The following RBM11 variants were observed in gnomAD, a reference collection of about 807,000 sequenced individuals.
RBM11 encodes the protein RNA binding motif protein 11.
RBM11 carries 18 observed loss-of-function variants against 21.4 expected under a neutral mutation model. That is an observed-to-expected ratio of 0.84 (90% CI 0.58 to 1.25). The LOEUF (loss-of-function observed/expected upper bound fraction) is 1.25, where lower values mean the gene tolerates loss of function less well. Among genes scored for constraint, RBM11 ranks in the 50% most tolerant of loss-of-function variants. The probability of loss-of-function intolerance (pLI) is 0.00; values close to 1 mark genes in which losing one functional copy is unlikely to be tolerated. For missense variants in RBM11, 294 were observed against 331.9 expected, an observed-to-expected ratio of 0.89 and a Z score of 0.89; for synonymous variants, 120 against 116.3, an observed-to-expected ratio of 1.03 and a Z score of -0.20.
chr21:14,217,647 A>T (rs1978331586), intron 1 of RBM11, among the ~76,000 whole-genome samples: 1 of 152,122 alleles, frequency 6.6e-6, no homozygotes, highest in Non-Finnish European at 1.5e-5. Context: ...TCATCTTTTT[A>T]AACTTGCCTC....
intron 2 of RBM11, among the ~76,000 whole-genome samples, chr21:14,220,848 G>A (rs899397046): frequency 2.0e-5 from 3 of 152,032 alleles, no homozygotes; most frequent in Admixed American, 1.3e-4. Flanking sequence ...AAAGTCCAAC[G>A]TCAATGTCAT....
intron 1 of RBM11, among the ~76,000 whole-genome samples, chr21:14,218,536 G>A (rs1320453201): frequency 1.3e-5 from 2 of 152,140 alleles, no homozygotes; most frequent in African/African-American, 4.8e-5. Flanking sequence ...TTGTTGATGA[G>A]GTGGTCCTTG....
Position 14,219,599 on chromosome 21 carries a change from A to G in RBM11, c.133A>G (p.Arg45Gly). ...AACCAAAGTGACTATATGCAAAGACAGAGAAGGAAAGCCAAAGTCTTTTGG... is the reference window on the plus strand; with the variant it reads ...AACCAAAGTGACTATATGCAAAGACGGAGAAGGAAAGCCAAAGTCTTTTGG... The part of the protein sequence containing the change: ...PLTKVTICKD[R>G]EGKPKSFGFV... The change falls in exon 2 of 5, where the codon AGA (arginine) becomes GGA (glycine). Residue 45 changes from arginine (R) to glycine (G), a missense_variant. Physicochemically the swap from Arg to Gly is moderately radical, Grantham distance 125. Around this residue, in one of 2 missense-constraint regions of RBM11, gnomAD observed 181 missense variants for 164.6 expected, o/e 1.10. Coordinates refer to ENST00000400577, the MANE Select transcript of RBM11 (RefSeq NM_144770.5). 6.3e-7 allele frequency: 1 copy of G among 1,589,056 alleles called. No individual in the cohort carries two copies. The highest frequency in any genetic ancestry group is 8.6e-7 in the Non-Finnish European group (1 of 1,163,504).
chr21:14,218,985 A>T (rs929145455), intron 1 of RBM11, among the ~76,000 whole-genome samples: 1 of 152,218 alleles, frequency 6.6e-6, no homozygotes, highest in Non-Finnish European at 1.5e-5. Flanking sequence ...AATTTCTCAC[A>T]CTTATAAACA....
At chr21:14,224,593 A>G (rs1333138930) in intron 4 of RBM11, 56 bp downstream of exon 4, 1 of 1,499,906 alleles carries the variant, frequency 6.7e-7, no homozygotes, top group Non-Finnish European at 8.9e-7. Flanking sequence ...TATGAAGAAC[A>G]TAAAGGCTAT....
chr21:14,220,631 T>C (rs575736843), intron 2 of RBM11, among the ~76,000 whole-genome samples: 2 of 152,178 alleles, frequency 1.3e-5, no homozygotes, highest in Non-Finnish European at 1.5e-5. Flanking sequence ...ATTAGGTTAG[T>C]GCAAAAGTAA....
At chr21:14,224,838 G>A (rs529651048) in intron 4 of RBM11, among the ~76,000 whole-genome samples, 117 of 152,326 alleles carry the variant, frequency 7.7e-4, no homozygotes, top group African/African-American at 2.8e-3. Context: ...GACGTTTGCA[G>A]TGGCCAGACA....
rs753509723 is a variant in RBM11 at position 14,228,286 on chromosome 21, A to C, written c.*993A>C. On this transcript the variant is annotated 3_prime_UTR_variant, in exon 5 of 5. Coordinates refer to ENST00000400577, the MANE Select transcript of RBM11 (RefSeq NM_144770.5). ...ATTAACCACTCAATTCAATAGTAAA[A>C]GCCATGCTTGGATGTTTCTTTTGCA... 9 of 152,166 alleles carry C rather than the reference A, an allele frequency of 5.9e-5. No homozygotes were observed. Among genetic ancestry groups the C allele is most frequent in the Non-Finnish European group, 1.3e-4 (9 of 68,024 alleles). 9.4% of individuals were successfully genotyped at this position (152,166 alleles called of 1,614,324 possible). A position where few individuals can be genotyped will look rare whatever the true frequency, so the allele number is the denominator to read the frequency against.
chr21:14,218,623 A>G (rs75217617), intron 1 of RBM11, among the ~76,000 whole-genome samples: 4,160 of 152,250 alleles, frequency 0.027, 181 homozygotes, highest in African/African-American at 0.094. Flanking sequence ...TAACACACAG[A>G]ATTATTTTAA....
intron 4 of RBM11, among the ~76,000 whole-genome samples, chr21:14,225,673 CT>C (rs1979028130): frequency 6.6e-6 from 1 of 151,804 alleles, no homozygotes; most frequent in South Asian, 2.1e-4. Context: ...AAAAAAAACC[CT>C]TTTCTTAACT....
At chr21:14,225,738 A>G (rs916500035) in intron 4 of RBM11, among the ~76,000 whole-genome samples, 2 of 152,124 alleles carry the variant, frequency 1.3e-5, no homozygotes, top group African/African-American at 4.8e-5. Context: ...AAATGTCTTC[A>G]TCGAAGCATT....
chr21:14,219,656 T>A lies in RBM11; in HGVS notation c.190T>A (p.Ser64Thr). The A allele has an allele frequency of 6.2e-7, 1 of 1,608,520 alleles. No individual in the cohort carries two copies. Among genetic ancestry groups the A allele is most frequent in the Non-Finnish European group, 8.5e-7 (1 of 1,176,194 alleles). ...CTGCTTTAAACACCCAGAATCGGTGTCTTATGCCATAGCTTTGCTGAATGG... is the reference window on the plus strand; with the variant it reads ...CTGCTTTAAACACCCAGAATCGGTGACTTATGCCATAGCTTTGCTGAATGG... ...FVCFKHPESV[S>T]YAIALLNGIR... Residue 64 changes from serine to threonine, a missense_variant, in exon 2 of 5, where the codon TCT (serine) becomes ACT (threonine). Ser to Thr is a moderately conservative substitution (Grantham distance 58). This residue lies in a region of RBM11 where 181 missense variants were observed against 164.6 expected (regional missense o/e 1.10). Transcript: ENST00000400577.
intron 4 of RBM11, 37 bp downstream of exon 4, chr21:14,224,574 G>T: frequency 6.6e-7 from 1 of 1,517,862 alleles, no homozygotes; most frequent in South Asian, 1.3e-5. Context: ...TATATAATAT[G>T]ATACAAACTA....
chr21:14,216,772 C>G (rs2020456061), intron 1 of RBM11, among the ~76,000 whole-genome samples: 1 of 152,132 alleles, frequency 6.6e-6, no homozygotes, highest in Non-Finnish European at 1.5e-5. Context: ...GCCAACTTAC[C>G]GTGACTGTGA....
chr21:14,224,319 T>G, intron 3 of RBM11, 119 bp from the exon 4 acceptor site: 2 of 1,391,806 alleles, frequency 1.4e-6, no homozygotes, highest in African/African-American at 2.9e-5. Context: ...TTACATGTGA[T>G]TCCTCTATGC....
intron 4 of RBM11, among the ~76,000 whole-genome samples, chr21:14,225,018 G>A (rs1978975981): frequency 6.6e-6 from 1 of 152,026 alleles, no homozygotes; most frequent in Non-Finnish European, 1.5e-5. Flanking sequence ...TACTCGGGAG[G>A]CTGAGGCATG....
intron 2 of RBM11, among the ~76,000 whole-genome samples, chr21:14,220,433 G>T (rs891788184): frequency 2.7e-5 from 4 of 149,158 alleles, no homozygotes; most frequent in Admixed American, 2.6e-4. Flanking sequence ...AGGCTTATTG[G>T]TCTGTCACTT....
intron 3 of RBM11, chr21:14,224,234 A>G (rs772279451): frequency 3.2e-5 from 22 of 697,082 alleles, no homozygotes; most frequent in Non-Finnish European, 4.3e-5. Flanking sequence ...ATAAGGTAAC[A>G]TTCTGAGATA....
At chr21:14,224,385 A>C (rs1978917577) in intron 3 of RBM11, 53 bp from the exon 4 acceptor site, 2 of 1,516,814 alleles carry the variant, frequency 1.3e-6, no homozygotes, top group Admixed American at 4.7e-5. Flanking sequence ...AGAAAATGAC[A>C]TTTGTAATAG....
Sources: allele counts gnomAD v4.1 joint callset (sites outside exome capture counted in the v4.1 genomes callset), GRCh38; gene constraint gnomAD v4.1.1; regional missense constraint gnomAD v4.1.1; transcripts MANE v1.5; gene names NCBI Gene and HGNC (gene_info 2026-07-23, HGNC 2026-07-21).